The following ABCG2 variants were observed in gnomAD, a reference collection of about 807,000 sequenced individuals.
ABCG2 encodes ATP binding cassette subfamily G member 2 (JR blood group), also known as broad substrate specificity ATP-binding cassette transporter ABCG2.
ABCG2 carries 80 observed loss-of-function variants against 73.5 expected under a neutral mutation model. The ratio of observed to expected loss-of-function variants is 1.09; its 90% CI spans 0.91 to 1.31. The LOEUF (loss-of-function observed/expected upper bound fraction) is 1.31. Among genes scored for constraint, ABCG2 ranks in the 50% most tolerant of loss-of-function variants. The pLI is 0.00. For missense variants in ABCG2, 796 were observed against 786.2 expected (o/e 1.01, Z -0.15); for synonymous variants, 269 against 282.4 (o/e 0.95, Z 0.48).
At position 88,113,563 on chromosome 4, in the gene ABCG2, C is replaced by T. The variant is rs201098587; in HGVS notation, c.944-10G>A. The T allele has an allele frequency of 8.1e-6, 13 of 1,606,184 alleles. No homozygotes were observed. In the African/African-American group the frequency reaches 1.5e-4, roughly 18 times the overall value. ...TCTATGATCTCTGTGGCTTTGCAAT[C>T]AGTGGATAAAAAGGAAACACAAACA... On this transcript the variant is annotated splice_polypyrimidine_tract_variant and intron_variant, in intron 8 of 15. Transcript: ENST00000237612.
At position 88,117,708 on chromosome 4, in the gene ABCG2, G is replaced by C. The variant is rs545776409; in HGVS notation, c.841+401C>G. On this transcript the variant is annotated intron_variant, in intron 7 of 15. Coordinates refer to ENST00000237612, the MANE Select transcript of ABCG2 (RefSeq NM_004827.3). ...TCAAGGCAGACCAACATGTGCAAGG[G>C]GAAAAAATTTTAAGGCCTCATCTGT... Among the ~76,000 whole-genome samples the C allele has an allele frequency of 2.6e-5, 4 of 152,170 alleles. No homozygotes were observed. In the East Asian group the frequency reaches 7.7e-4, roughly 29 times the overall value.
At chr4:88,117,050 G>A (rs184153802) in intron 7 of ABCG2, among the ~76,000 whole-genome samples, 111 of 152,192 alleles carry the variant, frequency 7.3e-4, no homozygotes, top group African/African-American at 2.5e-3. Context: ...AGTGTCTGCC[G>A]GTCACAGTGG....
intron 1 of ABCG2, among the ~76,000 whole-genome samples, chr4:88,180,002 G>A (rs919446493): frequency 2.0e-5 from 3 of 151,976 alleles, no homozygotes; most frequent in African/African-American, 7.3e-5. Context: ...TAGAGAGAGG[G>A]GGGTAGAAAT....
chr4:88,128,000 G>T (rs1008258054), intron 5 of ABCG2, among the ~76,000 whole-genome samples: 1 of 147,192 alleles, frequency 6.8e-6, no homozygotes, highest in East Asian at 2.0e-4. Context: ...GCAACCTACA[G>T]AATGGGAGAA....
At chr4:88,176,234 A>C (rs1302849366) in intron 1 of ABCG2, among the ~76,000 whole-genome samples, 2 of 151,882 alleles carry the variant, frequency 1.3e-5, no homozygotes, top group Non-Finnish European at 2.9e-5. Flanking sequence ...GAATCAAGCA[A>C]TCTACCTGCC....
chr4:88,217,903 C>T (rs573011012), intron 1 of ABCG2, among the ~76,000 whole-genome samples: 28 of 150,078 alleles, frequency 1.9e-4, no homozygotes, highest in Non-Finnish European at 3.5e-4. Context: ...GTGTTTGAGG[C>T]TGCAGTGAGC....
At chr4:88,097,673 A>T (rs1225860467) in intron 12 of ABCG2, 66 bp from the exon 13 acceptor site, 4 of 1,512,184 alleles carry the variant, frequency 2.6e-6, no homozygotes, top group Non-Finnish European at 3.6e-6. Flanking sequence ...GGGATTGCTT[A>T]TTGTGCAAAT....
chr4:88,119,668 A>T (rs1379953666), intron 6 of ABCG2, among the ~76,000 whole-genome samples: 1 of 152,228 alleles, frequency 6.6e-6, no homozygotes, highest in Non-Finnish European at 1.5e-5. Flanking sequence ...GATCTGTGGA[A>T]CTATGAACTT....
intron 1 of ABCG2, among the ~76,000 whole-genome samples, chr4:88,215,620 G>A (rs942013054): frequency 6.6e-6 from 1 of 152,176 alleles, no homozygotes; most frequent in African/African-American, 2.4e-5. Context: ...GAATAATGGG[G>A]TCCTGGCATG....
chr4:88,113,682 G>A, intron 8 of ABCG2, 129 bp from the exon 9 acceptor site: 1 of 1,212,594 alleles, frequency 8.2e-7, no homozygotes, highest in Admixed American at 2.7e-5. Context: ...GAAAAAATAG[G>A]CCAGGCACGG....
At chr4:88,203,288 T>C (rs1200373575) in intron 1 of ABCG2, among the ~76,000 whole-genome samples, 2 of 152,114 alleles carry the variant, frequency 1.3e-5, no homozygotes, top group African/African-American at 4.8e-5. Context: ...CTCCTGTTCT[T>C]TTTGCTTTTG....
At chr4:88,195,145 G>T (rs1728891930) in intron 1 of ABCG2, among the ~76,000 whole-genome samples, 1 of 152,122 alleles carries the variant, frequency 6.6e-6, no homozygotes, top group Non-Finnish European at 1.5e-5. Context: ...AAGGTGGGAG[G>T]ATCGCTTGAG....
intron 1 of ABCG2, among the ~76,000 whole-genome samples, chr4:88,212,080 T>G (rs1037465797): frequency 2.0e-5 from 3 of 152,226 alleles, no homozygotes; most frequent in African/African-American, 7.2e-5. Context: ...AGTAGTGGCC[T>G]CTTCCTCTCT....
chr4:88,201,158 G>T (rs945546991), intron 1 of ABCG2, among the ~76,000 whole-genome samples: 1 of 138,688 alleles, frequency 7.2e-6, no homozygotes, highest in Non-Finnish European at 1.5e-5. Flanking sequence ...AACAAAAGCC[G>T]GTTATTTGAA....
intron 1 of ABCG2, among the ~76,000 whole-genome samples, chr4:88,204,369 C>T (rs1479572722): frequency 2.0e-5 from 3 of 151,964 alleles, no homozygotes; most frequent in Admixed American, 6.6e-5. Context: ...TGCAGTGAGC[C>T]GAGATCGTGC....
At chr4:88,169,856 T>C (rs909185791) in intron 1 of ABCG2, among the ~76,000 whole-genome samples, 7 of 152,032 alleles carry the variant, frequency 4.6e-5, no homozygotes, top group Admixed American at 1.3e-4. Context: ...CACACCTGTA[T>C]TCCCAGCACT....
chr4:88,128,162 T>C (rs1182761947), intron 5 of ABCG2, among the ~76,000 whole-genome samples: 2 of 152,024 alleles, frequency 1.3e-5, no homozygotes, highest in Non-Finnish European at 2.9e-5. Flanking sequence ...CCAGCAAACA[T>C]ATGAAAAAAA....
intron 7 of ABCG2, among the ~76,000 whole-genome samples, chr4:88,117,250 G>A (rs1723640742): frequency 6.6e-6 from 1 of 151,882 alleles, no homozygotes; most frequent in Admixed American, 6.6e-5. Context: ...AGCGCGGGGG[G>A]TTGAGGCTGC....
chr4:88,117,933 T>C (rs1019910323), intron 7 of ABCG2, among the ~76,000 whole-genome samples, 176 bp downstream of exon 7: 1 of 152,192 alleles, frequency 6.6e-6, no homozygotes, highest in Non-Finnish European at 1.5e-5. Context: ...AATAACAAGC[T>C]GGTGCTACAA....
Sources: gnomAD v4.1 joint callset for allele counts (sites outside exome capture counted in the v4.1 genomes callset) on GRCh38, gnomAD v4.1.1 for gene constraint, MANE v1.5 for transcripts, NCBI Gene and HGNC (gene_info 2026-07-23, HGNC 2026-07-21) for gene names.